The following DCAF5 variants were observed in gnomAD, a reference collection of about 807,000 sequenced individuals.
The protein encoded by DCAF5 is DDB1 and CUL4 associated factor 5.
A neutral mutation model predicts 80.7 loss-of-function variants in DCAF5; 9 were observed. The ratio of observed to expected loss-of-function variants is 0.11; its 90% confidence interval spans 0.07 to 0.19. DCAF5 has a LOEUF of 0.19. DCAF5 is among the 10% of genes least tolerant of loss of function. The pLI, the probability that DCAF5 is intolerant of heterozygous loss-of-function variation, is 1.00. For missense variants in DCAF5, 842 were observed against 1,205.7 expected, an observed-to-expected ratio of 0.70 and a Z score of 4.47; for synonymous variants, 433 against 461.9, an observed-to-expected ratio of 0.94 and a Z score of 0.80.
At chr14:69,082,663 C>CA (rs1189152827) in intron 6 of DCAF5, among the ~76,000 whole-genome samples, 4 of 152,156 alleles carry the variant, frequency 2.6e-5, no homozygotes, top group Non-Finnish European at 5.9e-5. Context: ...CCATGGGCTT[C>CA]AGTTTTTGTA....
intron 1 of DCAF5, among the ~76,000 whole-genome samples, chr14:69,149,041 AT>A (rs2041627469): frequency 6.6e-6 from 1 of 152,218 alleles, no homozygotes; most frequent in African/African-American, 2.4e-5. Flanking sequence ...TAATGACACC[AT>A]GTGTTATGAA....
chr14:69,121,997 A>T (rs900326539), intron 2 of DCAF5, among the ~76,000 whole-genome samples: 2 of 152,200 alleles, frequency 1.3e-5, no homozygotes, highest in Admixed American at 6.5e-5. Context: ...AGAAATAAAG[A>T]AAAAGACAGG....
intron 5 of DCAF5, among the ~76,000 whole-genome samples, chr14:69,098,806 G>A (rs1346499792): frequency 1.4e-5 from 2 of 147,230 alleles, no homozygotes; most frequent in African/African-American, 5.0e-5. Flanking sequence ...GCTGAGGCAG[G>A]AGAATGGCAT....
At chr14:69,150,854 C>T (rs1352455823) in intron 1 of DCAF5, among the ~76,000 whole-genome samples, 2 of 152,038 alleles carry the variant, frequency 1.3e-5, no homozygotes, top group Non-Finnish European at 2.9e-5. Context: ...AGTGATAGCC[C>T]ACTGCACTCC....
At chr14:69,141,136 A>AT (rs940700068) in intron 1 of DCAF5, among the ~76,000 whole-genome samples, 8 of 124,728 alleles carry the variant, frequency 6.4e-5, no homozygotes, top group East Asian at 2.1e-4. Context: ...TCCATCTCAA[A>AT]TTTAAAAAAA....
intron 5 of DCAF5, among the ~76,000 whole-genome samples, chr14:69,096,299 C>G (rs2039712107): frequency 6.6e-6 from 1 of 152,232 alleles, no homozygotes; most frequent in Non-Finnish European, 1.5e-5. Flanking sequence ...GGAACCAGAA[C>G]TGTCGGACAA....
chr14:69,122,078 C>T lies in DCAF5; in HGVS notation c.358+139G>A, dbSNP rs571122997. 491 of 1,017,102 alleles carry T rather than the reference C, an allele frequency of 4.8e-4. 5 individuals are homozygous for T. The South Asian group carries it at 8.6e-3, about 18-fold the overall frequency. 63.0% of individuals were successfully genotyped at this position (1,017,102 alleles called of 1,614,324 possible). ...CCTAATATATAATACTGCTGTAATG[C>T]AGAAAAGACAAGCTATGAGAAACCA... On this transcript the variant is annotated intron_variant, in intron 2 of 8. Coordinates refer to ENST00000341516, the MANE Select transcript of DCAF5 (RefSeq NM_003861.3).
intron 7 of DCAF5, among the ~76,000 whole-genome samples, chr14:69,071,836 T>G (rs1405325060): frequency 1.3e-5 from 2 of 152,186 alleles, no homozygotes; most frequent in African/African-American, 4.8e-5. Flanking sequence ...ATGCATTAAT[T>G]GCCAACATTT....
At position 69,143,052 on chromosome 14, in the gene DCAF5, G is replaced by A. The variant is rs576092426; in HGVS notation, c.214+9713C>T. Among the ~76,000 whole-genome samples the A allele has an allele frequency of 2.6e-5, 4 of 152,272 alleles. No homozygotes were observed. In the South Asian group the frequency reaches 6.2e-4, roughly 24 times the overall value. On this transcript the variant is annotated intron_variant, in intron 1 of 8. Transcript: ENST00000341516. ...AGATAACTGCAAACATCAGAATCTAGGTGAGGTGAGTGCTAGCACCAAGAG... is the reference window on the plus strand; with the variant it reads ...AGATAACTGCAAACATCAGAATCTAAGTGAGGTGAGTGCTAGCACCAAGAG...
chr14:69,150,385 C>A (rs2041662827), intron 1 of DCAF5, among the ~76,000 whole-genome samples: 1 of 152,132 alleles, frequency 6.6e-6, no homozygotes, highest in Non-Finnish European at 1.5e-5. Flanking sequence ...GTGGAAATGA[C>A]CCTCCTCTTT....
chr14:69,128,757 G>A (rs2040950869), intron 1 of DCAF5, among the ~76,000 whole-genome samples: 1 of 152,092 alleles, frequency 6.6e-6, no homozygotes, highest in African/African-American at 2.4e-5. Context: ...AACAGAGCAA[G>A]ACTCCATCTC....
At chr14:69,138,728 G>A (rs530829663) in intron 1 of DCAF5, among the ~76,000 whole-genome samples, 102 of 152,090 alleles carry the variant, frequency 6.7e-4, no homozygotes, top group Non-Finnish European at 1.3e-3. Flanking sequence ...TCTATTAGAC[G>A]ATCATTAGTC....
At chr14:69,125,066 G>C (rs1332644266) in intron 1 of DCAF5, among the ~76,000 whole-genome samples, 1 of 152,090 alleles carries the variant, frequency 6.6e-6, no homozygotes, top group Admixed American at 6.5e-5. Flanking sequence ...GTACAAAAGA[G>C]TAATATGCCA....
intron 5 of DCAF5, among the ~76,000 whole-genome samples, chr14:69,105,937 A>ATC (rs1566759270): frequency 5.1e-5 from 5 of 97,282 alleles, no homozygotes; most frequent in African/African-American, 1.4e-4. Flanking sequence ...ATATATATAT[A>ATC]TATATATATC....
intron 5 of DCAF5, among the ~76,000 whole-genome samples, chr14:69,103,739 C>A (rs1189604164): frequency 6.6e-6 from 1 of 152,180 alleles, no homozygotes. Flanking sequence ...TTTATCTGTA[C>A]AATCACAAGA....
At chr14:69,142,883 A>G (rs1206230815) in intron 1 of DCAF5, among the ~76,000 whole-genome samples, 1 of 152,218 alleles carries the variant, frequency 6.6e-6, no homozygotes, top group African/African-American at 2.4e-5. Flanking sequence ...TTTACTTTTA[A>G]CTGGGCTAAC....
At chr14:69,125,470 A>C (rs1457411309) in intron 1 of DCAF5, among the ~76,000 whole-genome samples, 1 of 152,260 alleles carries the variant, frequency 6.6e-6, no homozygotes, top group Non-Finnish European at 1.5e-5. Context: ...GAAAAGAGGC[A>C]AAGAATACAA....
At chr14:69,139,166 CAG>C (rs1026191396) in intron 1 of DCAF5, among the ~76,000 whole-genome samples, 1 of 151,032 alleles carries the variant, frequency 6.6e-6, no homozygotes, top group Non-Finnish European at 1.5e-5. Context: ...AGGAAAGAAA[CAG>C]AGAGAGAGAG....
intron 6 of DCAF5, among the ~76,000 whole-genome samples, chr14:69,081,371 A>G (rs2039095992): frequency 1.3e-5 from 2 of 152,204 alleles, no homozygotes; most frequent in Admixed American, 1.3e-4. Flanking sequence ...AGTTGTGTGG[A>G]CACACATTAT....
Sources: gnomAD v4.1 joint callset for allele counts (sites outside exome capture counted in the v4.1 genomes callset) on GRCh38, gnomAD v4.1.1 for gene constraint, MANE v1.5 for transcripts, NCBI Gene and HGNC (gene_info 2026-07-23, HGNC 2026-07-21) for gene names.